The following WFDC1 variants were observed in gnomAD, a reference collection of about 807,000 sequenced individuals.
The protein encoded by WFDC1 is WAP four-disulfide core domain 1, also known as WAP four-disulfide core domain protein 1.
In WFDC1, 39 loss-of-function variants were observed where a neutral mutation model predicts 32.9. That is an observed-to-expected ratio of 1.19 (90% CI 0.92 to 1.55). The LOEUF (loss-of-function observed/expected upper bound fraction) is 1.55. Ranked by LOEUF, WFDC1 falls within the 40% of genes most tolerant of loss-of-function variation. WFDC1 has a pLI of 0.00. For missense variants in WFDC1, 386 were observed against 309.5 expected, an observed-to-expected ratio of 1.25 and a Z score of -1.85; for synonymous variants, 184 against 137.4, an observed-to-expected ratio of 1.34 and a Z score of -2.37.
chr16:84,324,566 C>G (rs529823690), intron 5 of WFDC1, 106 bp downstream of exon 5: 1 of 1,271,466 alleles, frequency 7.9e-7, no homozygotes, highest in African/African-American at 1.5e-5. Flanking sequence ...ATATAGGGAA[C>G]AAAATGGGAC....
At chr16:84,319,391 G>T in intron 3 of WFDC1, 40 bp from the exon 4 acceptor site, 1 of 1,599,150 alleles carries the variant, frequency 6.3e-7, no homozygotes. Flanking sequence ...CCTGTCCTGG[G>T]AGTCGGCCTT....
intron 1 of WFDC1, among the ~76,000 whole-genome samples, chr16:84,302,588 A>G (rs1014496539): frequency 6.6e-6 from 1 of 152,138 alleles, no homozygotes; most frequent in Non-Finnish European, 1.5e-5. Flanking sequence ...ATGCCCCATT[A>G]TGATTTCCCT....
chr16:84,305,163 C>A (rs577591355), intron 1 of WFDC1, among the ~76,000 whole-genome samples: 6 of 152,334 alleles, frequency 3.9e-5, no homozygotes, highest in Admixed American at 2.6e-4. Flanking sequence ...TGTGAGGACC[C>A]AGCACAGCAT....
At chr16:84,308,138 C>T (rs1040828327) in intron 1 of WFDC1, among the ~76,000 whole-genome samples, 1 of 152,156 alleles carries the variant, frequency 6.6e-6, no homozygotes, top group Admixed American at 6.5e-5. Context: ...GCCCCCCTCC[C>T]AGGCTTTCCT....
intron 3 of WFDC1, chr16:84,318,945 T>G: frequency 5.1e-6 from 1 of 195,256 alleles, no homozygotes; most frequent in Non-Finnish European, 1.1e-5. Flanking sequence ...TGTGTGTGCA[T>G]GCAAAAGTGT....
chr16:84,297,197 T>C (rs1447395569), intron 1 of WFDC1, among the ~76,000 whole-genome samples: 2 of 152,174 alleles, frequency 1.3e-5, no homozygotes, highest in Non-Finnish European at 2.9e-5. Context: ...GCTGATTCAC[T>C]TGTAGCCACC....
At chr16:84,321,343 C>T (rs1169856106) in intron 4 of WFDC1, among the ~76,000 whole-genome samples, 2 of 152,142 alleles carry the variant, frequency 1.3e-5, no homozygotes, top group African/African-American at 4.8e-5. Flanking sequence ...CTCAATCCTG[C>T]CGTGGGTGGG....
At chr16:84,305,634 C>T (rs1176458253) in intron 1 of WFDC1, among the ~76,000 whole-genome samples, 3 of 151,958 alleles carry the variant, frequency 2.0e-5, no homozygotes, top group East Asian at 1.9e-4. Flanking sequence ...GAGGATACAG[C>T]GGAAATGAAG....
chr16:84,322,162 T>TGC (rs1908346817), intron 4 of WFDC1, among the ~76,000 whole-genome samples: 1 of 120,532 alleles, frequency 8.3e-6, no homozygotes, highest in African/African-American at 3.1e-5. Context: ...TGTGTGTGCG[T>TGC]GTGTGTGTGT....
At chr16:84,315,465 C>G (rs1455178550) in intron 2 of WFDC1, among the ~76,000 whole-genome samples, 2 of 152,208 alleles carry the variant, frequency 1.3e-5, no homozygotes, top group Admixed American at 1.3e-4. Flanking sequence ...GCATATAATA[C>G]TCAATAAATA....
In WFDC1 at chr16:84,313,163, G is replaced by C; in HGVS notation, c.337+10G>C. 1 of 1,410,334 alleles carries C rather than the reference G, an allele frequency of 7.1e-7. No individual in the cohort carries two copies. The highest frequency in any genetic ancestry group is 3.0e-5 in the East Asian group (1 of 32,914). 87.4% of individuals were successfully genotyped at this position (1,410,334 alleles called of 1,614,324 possible). ...GTGCCGCCCCCGCCAGGTAGGTCCT[G>C]GGCCCGAGGGAGGGGGCTGAGGGAG... On this transcript the variant is annotated intron_variant, in intron 2 of 6. Transcript: ENST00000219454.
At chr16:84,304,575 G>C (rs1180154154) in intron 1 of WFDC1, among the ~76,000 whole-genome samples, 1 of 152,180 alleles carries the variant, frequency 6.6e-6, no homozygotes, top group Non-Finnish European at 1.5e-5. Flanking sequence ...GAGGGTTCTT[G>C]TCTAAGTTGT....
chr16:84,321,980 C>T (rs768471957), intron 4 of WFDC1, among the ~76,000 whole-genome samples: 14 of 152,150 alleles, frequency 9.2e-5, no homozygotes, highest in African/African-American at 1.4e-4. Context: ...GAGAGAAACA[C>T]GTATGAAGTG....
In WFDC1 at chr16:84,310,870, C is replaced by G. The variant is rs187740900; in HGVS notation, c.145-2091C>G. ...TACTATTCCAATTTGCAGATATGCC[C>G]TATGTACTGGGCCAGCACAAGGGGG... is the stretch of plus-strand genomic sequence containing the variant. On this transcript the variant is annotated intron_variant, in intron 1 of 6. Transcript: ENST00000219454. Among the ~76,000 whole-genome samples, 185 of 152,202 alleles carry G rather than the reference C, an allele frequency of 1.2e-3. 1 individual carries two copies. The highest frequency in any genetic ancestry group is 1.8e-3 in the Non-Finnish European group (121 of 68,020).
chr16:84,314,164 G>A lies in WFDC1; in HGVS notation c.337+1011G>A, dbSNP rs191158101. Among the ~76,000 whole-genome samples the A allele has an allele frequency of 1.1e-3, 167 of 152,348 alleles. 2 individuals carry two copies. The highest frequency in any genetic ancestry group is 3.8e-3 in the African/African-American group (157 of 41,586). On this transcript the variant is annotated intron_variant, in intron 2 of 6. Coordinates refer to ENST00000219454, the MANE Select transcript of WFDC1 (RefSeq NM_021197.4). ...GATAATGAGATGTGTGTTGAATCACGATGCCAACCTCTCGGGGAGAAACAA... is the reference window on the plus strand; with the variant it reads ...GATAATGAGATGTGTGTTGAATCACAATGCCAACCTCTCGGGGAGAAACAA...
intron 1 of WFDC1, among the ~76,000 whole-genome samples, chr16:84,306,243 G>A (rs1458370581): frequency 3.3e-5 from 5 of 152,182 alleles, no homozygotes; most frequent in Admixed American, 1.3e-4. Flanking sequence ...AAACCCAGAC[G>A]CGTCAGACTC....
chr16:84,299,270 A>G (rs1906791698), intron 1 of WFDC1, among the ~76,000 whole-genome samples: 1 of 152,062 alleles, frequency 6.6e-6, no homozygotes, highest in Non-Finnish European at 1.5e-5. Flanking sequence ...AGGCTGAGGT[A>G]GGAGAATTGC....
At chr16:84,317,383 A>C (rs1021415309) in intron 2 of WFDC1, 1 of 152,150 alleles carries the variant, frequency 6.6e-6, no homozygotes, top group Non-Finnish European at 1.5e-5. Context: ...GTAAGAAAAA[A>C]AATAAAACAG....
intron 5 of WFDC1, 114 bp downstream of exon 5, chr16:84,324,574 G>C (rs1597695944): frequency 8.2e-7 from 1 of 1,218,042 alleles, no homozygotes; most frequent in African/African-American, 1.5e-5. Context: ...AACAAAATGG[G>C]ACCTGGGATT....
Sources: gnomAD v4.1 joint callset for allele counts (sites outside exome capture counted in the v4.1 genomes callset) on GRCh38, gnomAD v4.1.1 for gene constraint, MANE v1.5 for transcripts, NCBI Gene and HGNC (gene_info 2026-07-23, HGNC 2026-07-21) for gene names.